Variants in PSMB7 observed in about 807,000 individuals in gnomAD.
The protein encoded by PSMB7 is proteasome 20S subunit beta 7.
PSMB7 carries 5 observed loss-of-function variants against 28.1 expected under a neutral mutation model. The observed-to-expected ratio is 0.18, with a 90% confidence interval of 0.09 to 0.37. PSMB7 has a LOEUF of 0.37. Among genes scored for constraint, PSMB7 ranks in the 10% least tolerant of loss-of-function variants. The probability of loss-of-function intolerance (pLI) is 1.00; values close to 1 mark genes in which losing one functional copy is unlikely to be tolerated. For missense variants in PSMB7, 275 were observed against 346.2 expected, an observed-to-expected ratio of 0.79 and a Z score of 1.63; for synonymous variants, 122 against 123.7, an observed-to-expected ratio of 0.99 and a Z score of 0.09.
chr9:124,398,385 GA>G, intron 5 of PSMB7: 1 of 226,624 alleles, frequency 4.4e-6, no homozygotes, highest in South Asian at 5.4e-5. Flanking sequence ...ATGGCTGAAA[GA>G]AACTAAGAGA....
intron 6 of PSMB7, among the ~76,000 whole-genome samples, chr9:124,382,000 C>T (rs1830671838): frequency 6.6e-6 from 1 of 151,786 alleles, no homozygotes; most frequent in African/African-American, 2.4e-5. Context: ...TGGCTCACAC[C>T]TGTAATCCCA....
chr9:124,375,379 G>C (rs900370710), intron 6 of PSMB7, among the ~76,000 whole-genome samples: 2 of 152,068 alleles, frequency 1.3e-5, no homozygotes, highest in Non-Finnish European at 1.5e-5. Context: ...GCCCAGGCTG[G>C]TCTCAAACTC....
intron 5 of PSMB7, among the ~76,000 whole-genome samples, chr9:124,390,207 CA>C (rs1830770433): frequency 1.3e-5 from 2 of 152,192 alleles, no homozygotes; most frequent in South Asian, 4.1e-4. Context: ...ATAGTGCTGA[CA>C]AAGGTGTGAT....
intron 5 of PSMB7, among the ~76,000 whole-genome samples, chr9:124,395,653 T>C (rs1830832947): frequency 6.6e-6 from 1 of 152,024 alleles, no homozygotes; most frequent in South Asian, 2.1e-4. Context: ...CGTGCACACA[T>C]AAAACGCGAC....
chr9:124,388,700 C>A (rs1830752208), intron 5 of PSMB7, among the ~76,000 whole-genome samples: 1 of 152,140 alleles, frequency 6.6e-6, no homozygotes, highest in Non-Finnish European at 1.5e-5. Flanking sequence ...TCCCTCCCAT[C>A]CCCCATACAC....
At chr9:124,368,226 T>G (rs1422530942) in intron 6 of PSMB7, among the ~76,000 whole-genome samples, 1 of 152,154 alleles carries the variant, frequency 6.6e-6, no homozygotes, top group African/African-American at 2.4e-5. Flanking sequence ...GTGATTTGGT[T>G]TTTTCCACCC....
chr9:124,402,122 T>C (rs903869449), intron 5 of PSMB7, among the ~76,000 whole-genome samples: 2 of 152,206 alleles, frequency 1.3e-5, no homozygotes, highest in Admixed American at 6.5e-5. Context: ...CTCATTCTCC[T>C]TAATCTGGCA....
intron 6 of PSMB7, among the ~76,000 whole-genome samples, chr9:124,360,083 T>C (rs1224416125): frequency 6.6e-6 from 1 of 152,206 alleles, no homozygotes; most frequent in Non-Finnish European, 1.5e-5. Flanking sequence ...CTACAGTATT[T>C]CCATACACAG....
intron 6 of PSMB7, among the ~76,000 whole-genome samples, chr9:124,366,284 G>C (rs1446028481): frequency 6.6e-6 from 1 of 152,080 alleles, no homozygotes; most frequent in Non-Finnish European, 1.5e-5. Flanking sequence ...GTGGTGATGC[G>C]AGCCTGCTGT....
intron 5 of PSMB7, chr9:124,398,541 A>G: frequency 3.8e-6 from 1 of 264,512 alleles, no homozygotes; most frequent in Non-Finnish European, 8.0e-6. Flanking sequence ...GGAGATATAT[A>G]TGCATATATA....
At chr9:124,373,743 GAGGATATATGGA>G (rs1281047796) in intron 6 of PSMB7, among the ~76,000 whole-genome samples, 1 of 152,244 alleles carries the variant, frequency 6.6e-6, no homozygotes, top group Non-Finnish European at 1.5e-5. Context: ...ATCAAGGATA[GAGGATATATGGA>G]AGGATATATG....
intron 6 of PSMB7, among the ~76,000 whole-genome samples, chr9:124,367,439 T>C (rs1830518388): frequency 6.6e-6 from 1 of 152,102 alleles, no homozygotes; most frequent in South Asian, 2.1e-4. Context: ...TACTTCTCCA[T>C]GAGACCTCCA....
intron 7 of PSMB7, among the ~76,000 whole-genome samples, chr9:124,355,573 G>A (rs1040705026): frequency 5.9e-5 from 9 of 152,236 alleles, no homozygotes; most frequent in African/African-American, 1.9e-4. Context: ...GCTACATGGA[G>A]TACTTGGCTC....
chr9:124,364,136 G>A (rs190114732), intron 6 of PSMB7, among the ~76,000 whole-genome samples: 169 of 152,258 alleles, frequency 1.1e-3, no homozygotes, highest in African/African-American at 3.7e-3. Context: ...CCACACCCCC[G>A]GGTCTGAGCC....
chr9:124,401,130 A>G (rs898379482), intron 5 of PSMB7, among the ~76,000 whole-genome samples: 3 of 152,244 alleles, frequency 2.0e-5, no homozygotes, highest in Non-Finnish European at 4.4e-5. Context: ...AAAAATACAA[A>G]CAATTCTTAA....
chr9:124,392,374 G>A (rs766834465), intron 5 of PSMB7, among the ~76,000 whole-genome samples: 8 of 152,120 alleles, frequency 5.3e-5, no homozygotes, highest in Non-Finnish European at 7.3e-5. Context: ...ATATCACTCC[G>A]AGCTCTGCAA....
chr9:124,384,310 A>T (rs185331676), intron 6 of PSMB7: 84 of 362,522 alleles, frequency 2.3e-4, no homozygotes, highest in African/African-American at 1.7e-3. Flanking sequence ...TGCGCAAGAA[A>T]ACATTCCACG....
At chr9:124,403,288 G>T (rs1389808333) in intron 5 of PSMB7, among the ~76,000 whole-genome samples, 1 of 151,806 alleles carries the variant, frequency 6.6e-6, no homozygotes, top group African/African-American at 2.4e-5. Flanking sequence ...ACTTTGGGAG[G>T]CTGGAGCAGG....
chr9:124,358,264 C>T (rs534450741), intron 6 of PSMB7, among the ~76,000 whole-genome samples: 1 of 152,292 alleles, frequency 6.6e-6, no homozygotes, highest in South Asian at 2.1e-4. Context: ...TGCCCCATGC[C>T]AGACTAGGAT....
Sources: allele counts gnomAD v4.1 joint callset (sites outside exome capture counted in the v4.1 genomes callset), GRCh38; gene constraint gnomAD v4.1.1; transcripts MANE v1.5; gene names NCBI Gene and HGNC (gene_info 2026-07-23, HGNC 2026-07-21).